The following PCDH11X variants were observed in gnomAD, a reference collection of about 807,000 sequenced individuals.
The protein encoded by PCDH11X is protocadherin-11 X-linked.
In PCDH11X, 18 loss-of-function variants were observed where a neutral mutation model predicts 53.3. The ratio of observed to expected loss-of-function variants is 0.34; its 90% CI spans 0.23 to 0.50. PCDH11X has a LOEUF of 0.50. PCDH11X is among the 20% of genes least tolerant of loss of function. The pLI is 0.98. For synonymous variants in PCDH11X, 279 were observed against 393.3 expected (o/e 0.71, Z 3.44); for missense variants, 570 against 1,032.4 (o/e 0.55, Z 6.14).
At chrX:92,463,746 G>A (rs1208702149) in intron 9 of PCDH11X, among the ~76,000 whole-genome samples, 3 of 111,186 alleles carry the variant, frequency 2.7e-5, no homozygotes, top group Non-Finnish European at 1.9e-5. Flanking sequence ...CTTGAAGGTG[G>A]TATCCATTAC....
chrX:92,059,483 G>T (rs950054433), intron 6 of PCDH11X, among the ~76,000 whole-genome samples: 3 of 110,570 alleles, frequency 2.7e-5, no homozygotes, highest in African/African-American at 6.6e-5. Context: ...ATTTTCAATT[G>T]TAACAGTTGT....
intron 6 of PCDH11X, among the ~76,000 whole-genome samples, chrX:91,992,868 G>A (rs2062349735): frequency 8.9e-6 from 1 of 111,806 alleles, no homozygotes; most frequent in Non-Finnish European, 1.9e-5. Context: ...ACTTAGGTCT[G>A]GTAGAAATTA....
intron 6 of PCDH11X, among the ~76,000 whole-genome samples, chrX:91,929,229 A>T (rs1030046272): frequency 1.8e-5 from 2 of 111,075 alleles, no homozygotes; most frequent in African/African-American, 6.5e-5. Flanking sequence ...CATTTTGATC[A>T]TTACTGTGAA....
chrX:92,608,948 T>C (rs978975939), intron 10 of PCDH11X, among the ~76,000 whole-genome samples: 6 of 111,148 alleles, frequency 5.4e-5, no homozygotes, highest in African/African-American at 2.0e-4. Flanking sequence ...ATGTTTTTCA[T>C]CCCTATAAGC....
intron 6 of PCDH11X, among the ~76,000 whole-genome samples, chrX:91,966,913 TG>T (rs1341971077): frequency 3.6e-5 from 4 of 109,901 alleles, no homozygotes; most frequent in African/African-American, 1.3e-4. Context: ...CCTATCAGCC[TG>T]TCATCTGGCT....
At chrX:92,236,740 CTGTT>C (rs2148378446) in intron 7 of PCDH11X, among the ~76,000 whole-genome samples, 1 of 111,356 alleles carries the variant, frequency 9.0e-6, no homozygotes, top group East Asian at 2.8e-4. Flanking sequence ...AAAATATTTT[CTGTT>C]TATTTTGAAA....
chrX:92,438,657 G>C (rs1392431083), intron 9 of PCDH11X, among the ~76,000 whole-genome samples: 1 of 111,362 alleles, frequency 9.0e-6, no homozygotes, highest in African/African-American at 3.3e-5. Context: ...TTTTATATCT[G>C]AAGATGAAGG....
chrX:91,806,650 G>A (rs56315740), intron 1 of PCDH11X, among the ~76,000 whole-genome samples: 2,284 of 112,111 alleles, frequency 0.02, 68 homozygotes, highest in African/African-American at 0.071. Context: ...TTTAAGCTTA[G>A]GCCTACGCTG....
chrX:92,532,660 A>AG (rs1403384633), intron 10 of PCDH11X, among the ~76,000 whole-genome samples: 1,030 of 21,979 alleles, frequency 0.047, 30 homozygotes, highest in African/African-American at 0.11. Context: ...CCTTCATTTA[A>AG]AAAAAAAAAA....
At position 92,332,724 on chromosome X, in the gene PCDH11X, CAGCAGCAGCAGCAGCAGCAAT is replaced by C. The variant is rs968319351; in HGVS notation, c.3145-54991_3145-54971del. Among the ~76,000 whole-genome samples, 5 of 110,918 alleles carry C rather than the reference CAGCAGCAGCAGCAGCAGCAAT, an allele frequency of 4.5e-5. No homozygotes were observed. In the Admixed American group the frequency reaches 4.8e-4, roughly 11 times the overall value. On this transcript the variant is annotated intron_variant, in intron 8 of 10. Transcript: ENST00000682573. ...TCTTGAAATGTAGTTACTAAAACAG[CAGCAGCAGCAGCAGCAGCAAT>C]AGCAGCAGCAGCAGCAGCAGTGCAG...
At chrX:92,400,123 A>T (rs2071354392) in intron 9 of PCDH11X, among the ~76,000 whole-genome samples, 1 of 106,783 alleles carries the variant, frequency 9.4e-6, no homozygotes, top group African/African-American at 3.4e-5. Context: ...AGGTGAATAT[A>T]AATGCCGTTT....
chrX:91,873,928 C>T (rs1375031964), intron 5 of PCDH11X, among the ~76,000 whole-genome samples: 2 of 110,698 alleles, frequency 1.8e-5, no homozygotes, highest in Non-Finnish European at 3.8e-5. Flanking sequence ...AGTGTCAATA[C>T]CATCATTAAA....
At chrX:92,263,198 G>A (rs2067756908) in intron 8 of PCDH11X, 55 bp downstream of exon 8, 2 of 1,005,380 alleles carry the variant, frequency 2.0e-6, no homozygotes, top group South Asian at 2.2e-5. Flanking sequence ...TTTATACTGT[G>A]TGAAGCTACA....
chrX:91,981,391 A>T (rs1255131585), intron 6 of PCDH11X, among the ~76,000 whole-genome samples: 2 of 110,395 alleles, frequency 1.8e-5, no homozygotes, highest in African/African-American at 6.6e-5. Context: ...TTCCACAAAG[A>T]TCTATAGTTG....
rs749109133 is a variant in PCDH11X at position 92,580,601 on chromosome X, A to G, written c.3368-37663A>G. On this transcript the variant is annotated intron_variant, in intron 10 of 10. Transcript: ENST00000682573. The stretch of plus-strand genomic sequence containing the variant: ...GTCTCCCTCTCACAGGCCGGGAAAA[A>G]AAAGCCTACTGAAGCTGCAGTGATG... 5.4e-5 allele frequency among the ~76,000 whole-genome samples: 6 copies of G among 111,042 alleles called. No homozygotes were observed. In the South Asian group the frequency reaches 2.3e-3, roughly 43 times the overall value.
At chrX:92,107,501 C>A (rs2064410183) in intron 6 of PCDH11X, among the ~76,000 whole-genome samples, 1 of 111,998 alleles carries the variant, frequency 8.9e-6, no homozygotes, top group Non-Finnish European at 1.9e-5. Context: ...CTTTGGGAGG[C>A]AGAGGCGGGC....
At chrX:92,280,521 C>CAAATAAAT (rs200000470) in intron 8 of PCDH11X, among the ~76,000 whole-genome samples, 131 of 104,316 alleles carry the variant, frequency 1.3e-3, no homozygotes, top group Middle Eastern at 9.9e-3. Context: ...GGCTCCATCT[C>CAAATAAAT]AAATAAATAA....
At chrX:92,210,385 C>T (rs1324940658) in intron 7 of PCDH11X, among the ~76,000 whole-genome samples, 1 of 104,844 alleles carries the variant, frequency 9.5e-6, no homozygotes, top group Non-Finnish European at 2.0e-5. Context: ...ACTGCAGGCA[C>T]CCACCACCAT....
rs140661078 is a variant in PCDH11X, at chrX:92,567,224, G to T, written c.3368-51040G>T. 7.6e-4 allele frequency among the ~76,000 whole-genome samples: 80 copies of T among 104,877 alleles called. No individual in the cohort carries two copies. In the East Asian group the frequency reaches 0.019, roughly 25 times the overall value. The allele number at this position is 104,877 out of a possible 115,157, so 91.1% of individuals were successfully genotyped here. On this transcript the variant is annotated intron_variant, in intron 10 of 10. Transcript: ENST00000682573. ...TGAATAAATTATTTGGGGCAGTATG[G>T]CCATTTTCACAATATTGATACTTCC...
Sources: gnomAD v4.1 joint callset for allele counts (sites outside exome capture counted in the v4.1 genomes callset) on GRCh38, gnomAD v4.1.1 for gene constraint, MANE v1.5 for transcripts, NCBI Gene and HGNC (gene_info 2026-07-23, HGNC 2026-07-21) for gene names.